ARAP3: variants seen among roughly 807,000 people sequenced by gnomAD.
The protein encoded by ARAP3 is arf-GAP with Rho-GAP domain, ANK repeat and PH domain-containing protein 3.
In ARAP3, 82 loss-of-function variants were observed where a neutral mutation model predicts 169.2. The ratio of observed to expected loss-of-function variants is 0.48; its 90% CI spans 0.41 to 0.58. The LOEUF is 0.58. Ranked by LOEUF, ARAP3 falls within the 20% of genes least tolerant of loss-of-function variation. The probability of loss-of-function intolerance (pLI) is 0.00; values close to 1 mark genes in which losing one functional copy is unlikely to be tolerated. For synonymous variants in ARAP3, 791 were observed against 800.3 expected, an observed-to-expected ratio of 0.99 and a Z score of 0.20; for missense variants, 1,764 against 2,018.0, an observed-to-expected ratio of 0.87 and a Z score of 2.41.
intron 4 of ARAP3, among the ~76,000 whole-genome samples, chr5:141,677,066 C>T (rs778169582): frequency 4.6e-5 from 7 of 151,898 alleles, no homozygotes; most frequent in African/African-American, 7.3e-5. Context: ...GAAGTTAATG[C>T]GAACCAAGTA....
rs766389768 is a variant in ARAP3 at position 141,680,308 on chromosome 5, C to T, written c.179G>A (p.Arg60His). 1.8e-5 allele frequency: 29 copies of T among 1,614,092 alleles called. No individual in the cohort carries two copies. Among genetic ancestry groups the T allele is most frequent in the Admixed American group, 6.7e-5 (4 of 60,006 alleles). The change falls in exon 2 of 33, where the codon CGC becomes CAC. Residue 60 changes from arginine (R) to histidine (H), a missense_variant. Arg to His is a conservative substitution (Grantham distance 29). Around this residue, in one of 3 missense-constraint regions of ARAP3, gnomAD observed 630 missense variants for 678.7 expected, o/e 0.93. Transcript: ENST00000239440. The stretch of plus-strand genomic sequence containing the variant: ...CTCTTCGGTGCCTGTCTGTAGCAGG[C>T]GTAGAATGCGTTTCCGGTGCCCTGT... ...SATGHRKRIL[R>H]LLQTGTEEGS...
Position 141,661,691 on chromosome 5 carries a change from G to A in ARAP3, c.3112C>T (p.Leu1038Phe), listed in dbSNP as rs775917107. 1 of 1,614,218 alleles carries A rather than the reference G, an allele frequency of 6.2e-7. No individual in the cohort carries two copies. Among genetic ancestry groups the A allele is most frequent in the South Asian group, 1.1e-5 (1 of 91,086 alleles). ...GGGTCTAGCCATACTGACCGATAGA[G>A]ATGCCCAATGAGGGTGGCCAGTGTG... ...RRTLATLIGH[L>F]YRVQKCAALN... Residue 1038 changes from leucine (L) to phenylalanine (F), a missense_variant, in exon 21 of 33, where the codon CTC becomes TTC. Leu to Phe is a conservative substitution (Grantham distance 22, BLOSUM62 0). Transcript: ENST00000239440.
At chr5:141,680,890 G>C (rs6580199) in intron 1 of ARAP3, 3,530 of 199,000 alleles carry the variant, frequency 0.018, 129 homozygotes, top group African/African-American at 0.077. Flanking sequence ...AGTGGGATAG[G>C]GAGATGCAGA....
Position 141,670,612 on chromosome 5 carries a change from C to T in ARAP3, c.2007G>A (p.Val669=), listed in dbSNP as rs2099911294. 1.2e-6 allele frequency: 2 copies of T among 1,614,018 alleles called. No individual in the cohort carries two copies. The highest frequency in any genetic ancestry group is 1.7e-6 in the Non-Finnish European group (2 of 1,179,906). The part of the protein sequence containing the change: ...GLLPSDPSPG[V]YNEVVVRATY... Reference sequence around the variant, plus strand: ...TAGCACGCACCACCACCTCATTGTACACACCAGGGGAGGGGTCTGCAAGGG... The same window carrying T: ...TAGCACGCACCACCACCTCATTGTATACACCAGGGGAGGGGTCTGCAAGGG... Residue 669 remains valine, a synonymous_variant, in exon 14 of 33, where the codon GTG becomes GTA. Coordinates refer to ENST00000239440, the MANE Select transcript of ARAP3 (RefSeq NM_022481.6).
intron 5 of ARAP3, 21 bp from the exon 6 acceptor site, chr5:141,673,491 G>C: frequency 6.2e-7 from 1 of 1,614,198 alleles, no homozygotes; most frequent in Non-Finnish European, 8.5e-7. Context: ...AAGGAGCCAA[G>C]ATCAGTGTTT....
rs757131171 is a variant in ARAP3, at chr5:141,679,651, T to C, written c.592A>G (p.Ile198Val). ...ALRPTTGTVH[I>V]MDPGCLYYGV... ...TAGTACAGGCAACCAGGATCCATGA[T>C]GTGCACTGGCAGGAGGAGAGGGGAA... The change falls in exon 4 of 33, where the codon ATC (isoleucine) becomes GTC (valine). Residue 198 changes from isoleucine (I) to valine (V), a missense_variant. This residue lies in a region of ARAP3 where 630 missense variants were observed against 678.7 expected (regional missense o/e 0.93). Coordinates refer to ENST00000239440, the MANE Select transcript of ARAP3 (RefSeq NM_022481.6). The C allele has an allele frequency of 1.5e-5, 25 of 1,613,950 alleles. 1 individual carries two copies. In the South Asian group the frequency reaches 2.7e-4, roughly 18 times the overall value.
rs1562400020 is a variant in ARAP3 at position 141,654,308 on chromosome 5, G to C, written c.4277C>G (p.Ser1426Cys). 6 of 1,614,140 alleles carry C rather than the reference G, an allele frequency of 3.7e-6. No individual in the cohort carries two copies. In the East Asian group the frequency reaches 1.3e-4, roughly 36 times the overall value. ...CTTCACTGTCCACTCCCGTGTGGTG[G>C]AGAAGGAGGTAGAAGTGTCCTGGAT... ...ELIQDTSTSFSTTREWTVKPE... is the reference protein window; with the variant it reads ...ELIQDTSTSFCTTREWTVKPE... The change falls in exon 33 of 33, where the codon TCC (serine) becomes TGC (cysteine). Residue 1426 changes from serine (S) to cysteine (C), a missense_variant. By Grantham distance (112) the Ser-to-Cys change is moderately radical (BLOSUM62 -1). Around this residue, in one of 3 missense-constraint regions of ARAP3, gnomAD observed 1,112 missense variants for 1,285.7 expected, o/e 0.86. Transcript: ENST00000239440.
In ARAP3 at chr5:141,671,210, T is replaced by C. The variant is rs1390836291; in HGVS notation, c.1990+55A>G. On this transcript the variant is annotated intron_variant, in intron 13 of 32. Transcript: ENST00000239440. This position sits in a 1 kb window ranked among gnomAD's most constrained non-coding sequence, Gnocchi z 4.9. ...GGGGCCCCTTGGAAGAACTGAATCA[T>C]AGGTTGGGTCTGAGAATTCCTGTAG... 3 of 1,539,898 alleles carry C rather than the reference T, an allele frequency of 1.9e-6. No individual in the cohort carries two copies. Among genetic ancestry groups the C allele is most frequent in the East Asian group, 2.3e-5 (1 of 44,162 alleles).
chr5:141,661,658 T>A (rs2099909990), intron 21 of ARAP3, 26 bp downstream of exon 21: 4 of 1,599,320 alleles, frequency 2.5e-6, no homozygotes, highest in Admixed American at 1.7e-5. Flanking sequence ...GAGGAAGGGT[T>A]CTGCAGAGGG....
In ARAP3 at chr5:141,669,696, T is replaced by G. The variant is rs1323131284; in HGVS notation, c.2352+13A>C. 2 of 1,612,774 alleles carry G rather than the reference T, an allele frequency of 1.2e-6. No homozygotes were observed. The highest frequency in any genetic ancestry group is 3.3e-5 in the Admixed American group (2 of 59,992). ...AAGCATGAGATGCTGCAGAGGGCGCTCTCCTGTCTCACCTTGCCCACAGCA... is the reference window on the plus strand; with the variant it reads ...AAGCATGAGATGCTGCAGAGGGCGCGCTCCTGTCTCACCTTGCCCACAGCA... On this transcript the variant is annotated intron_variant, in intron 16 of 32. Transcript: ENST00000239440.
chr5:141,680,046 T>C lies in ARAP3; in HGVS notation c.441A>G (p.Ser147=). 1 of 1,614,192 alleles carries C rather than the reference T, an allele frequency of 6.2e-7. No homozygotes were observed. The highest frequency in any genetic ancestry group is 8.5e-7 in the Non-Finnish European group (1 of 1,180,036). Residue 147 remains serine (S), a synonymous_variant, in exon 2 of 33, where the codon TCA becomes TCG. Transcript: ENST00000239440. ...PLPTSSSEQS[S]ALNTVEMMPN... ...GCATCATCTCCACAGTATTTAGGGCTGAAGACTGCTCAGAGGAGGAAGTGG... is the reference window on the plus strand; with the variant it reads ...GCATCATCTCCACAGTATTTAGGGCCGAAGACTGCTCAGAGGAGGAAGTGG...
chr5:141,660,165 G>A (rs2099909742), intron 21 of ARAP3, among the ~76,000 whole-genome samples: 1 of 152,164 alleles, frequency 6.6e-6, no homozygotes, highest in Non-Finnish European at 1.5e-5. Flanking sequence ...CTAACTCTCA[G>A]CTCTGTTGCT....
chr5:141,673,652 G>GCGGTCTGCC lies in ARAP3; in HGVS notation c.846_854dup (p.Ala283_Arg285dup). 6.2e-7 allele frequency: 1 copy of GCGGTCTGCC among 1,614,226 alleles called. No homozygotes were observed. Among genetic ancestry groups the GCGGTCTGCC allele is most frequent in the Non-Finnish European group, 8.5e-7 (1 of 1,180,046 alleles). On this transcript the variant is annotated inframe_insertion, in exon 5 of 33. Transcript: ENST00000239440. ...GCCAGCCACTGAGCAGGGGCGTGAG[G>GCGGTCTGCC]CGGTCTGCCGTGAAGGAGAAGCTGG...
rs148182244 is a variant in ARAP3, at chr5:141,673,084, C to T, written c.1022G>A (p.Arg341His). Residue 341 changes from arginine to histidine, a missense_variant, in exon 7 of 33, where the codon CGC becomes CAC. By Grantham distance (29) the Arg-to-His change is conservative (BLOSUM62 0). This residue lies in a region of ARAP3 where 630 missense variants were observed against 678.7 expected (regional missense o/e 0.93). Transcript: ENST00000239440. The stretch of plus-strand genomic sequence containing the variant: ...CTGGAACTTGTTGTCCTTGCTGCTG[C>T]GGGTCATCTCAATGGCAGTCAAAGG... ...VIPLTAIEMTRSSKDNKFQVI... is the reference protein window; with the variant it reads ...VIPLTAIEMTHSSKDNKFQVI... 110 of 1,614,174 alleles carry T rather than the reference C, an allele frequency of 6.8e-5. No individual in the cohort carries two copies. In the African/African-American group the frequency reaches 8.8e-4, roughly 13 times the overall value.
At chr5:141,666,694 G>C in intron 16 of ARAP3, 51 bp from the exon 17 acceptor site, 1 of 982,432 alleles carries the variant, frequency 1.0e-6, no homozygotes, top group East Asian at 3.2e-5. Flanking sequence ...GAAGAGACAA[G>C]GAATAGGGGA....
At chr5:141,658,322 C>T (rs1447314817) in intron 25 of ARAP3, 43 bp downstream of exon 25, 13 of 1,572,146 alleles carry the variant, frequency 8.3e-6, no homozygotes, top group Admixed American at 3.4e-5. Context: ...ACCACACACA[C>T]GCATATACAC....
intron 6 of ARAP3, 73 bp from the exon 7 acceptor site, chr5:141,673,206 C>T (rs2099911679): frequency 1.2e-6 from 2 of 1,603,210 alleles, no homozygotes; most frequent in Admixed American, 3.4e-5. Context: ...GGTCCTGCCC[C>T]AGATTTTATA....
At chr5:141,669,235 G>T (rs1042178646) in intron 16 of ARAP3, among the ~76,000 whole-genome samples, 1 of 152,188 alleles carries the variant, frequency 6.6e-6, no homozygotes, top group Non-Finnish European at 1.5e-5. Flanking sequence ...ATGGCATACA[G>T]GAGAGAGATA....
chr5:141,673,544 T>C, intron 5 of ARAP3, 61 bp downstream of exon 5: 1 of 1,612,536 alleles, frequency 6.2e-7, no homozygotes, highest in Admixed American at 1.7e-5. Context: ...CTGGGGGCAC[T>C]TTCCCGCGCA....
Sources: allele counts gnomAD v4.1 joint callset (sites outside exome capture counted in the v4.1 genomes callset), GRCh38; gene constraint gnomAD v4.1.1; regional missense constraint gnomAD v4.1.1; non-coding constraint Gnocchi (gnomAD v3.1); transcripts MANE v1.5; gene names NCBI Gene and HGNC (gene_info 2026-07-23, HGNC 2026-07-21).